Variants in KCNH5 observed in about 807,000 individuals in gnomAD.
KCNH5 encodes voltage-gated delayed rectifier potassium channel KCNH5.
A neutral mutation model predicts 96.1 loss-of-function variants in KCNH5; 46 were observed. The ratio of observed to expected loss-of-function variants is 0.48; its 90% CI spans 0.38 to 0.61. The LOEUF (loss-of-function observed/expected upper bound fraction) is 0.61. KCNH5 is among the 20% of genes least tolerant of loss of function. The pLI is 0.00. For missense variants in KCNH5, 907 were observed against 1,225.8 expected, an observed-to-expected ratio of 0.74 and a Z score of 3.88; for synonymous variants, 439 against 449.8, an observed-to-expected ratio of 0.98 and a Z score of 0.30.
chr14:62,870,041 G>A (rs547140891), intron 7 of KCNH5, among the ~76,000 whole-genome samples: 57 of 152,162 alleles, frequency 3.7e-4, no homozygotes, highest in Non-Finnish European at 7.2e-4. Context: ...TAGTTTCTAT[G>A]TCCATGGCTA....
intron 8 of KCNH5, among the ~76,000 whole-genome samples, chr14:62,843,635 C>T (rs915825376): frequency 6.6e-6 from 1 of 152,064 alleles, no homozygotes; most frequent in Admixed American, 6.5e-5. Context: ...TGGTCTCGAT[C>T]TCCTCACCTC....
intron 8 of KCNH5, among the ~76,000 whole-genome samples, chr14:62,846,130 G>A (rs1481491721): frequency 6.6e-6 from 1 of 152,038 alleles, no homozygotes; most frequent in Non-Finnish European, 1.5e-5. Context: ...ATGTTTCTAT[G>A]TCTTTTTGTT....
intron 8 of KCNH5, among the ~76,000 whole-genome samples, chr14:62,818,593 T>C (rs948754231): frequency 2.0e-5 from 3 of 152,082 alleles, no homozygotes; most frequent in Admixed American, 6.6e-5. Flanking sequence ...ATACCACTAC[T>C]CAAAACTCTT....
intron 6 of KCNH5, among the ~76,000 whole-genome samples, chr14:62,960,721 A>G (rs1231358206): frequency 6.6e-6 from 1 of 152,180 alleles, no homozygotes; most frequent in Non-Finnish European, 1.5e-5. Context: ...TCTAACCCAG[A>G]TAACAAGTTA....
chr14:63,029,598 C>T (rs988312332), intron 1 of KCNH5, among the ~76,000 whole-genome samples: 2 of 151,424 alleles, frequency 1.3e-5, no homozygotes, highest in Non-Finnish European at 2.9e-5. Flanking sequence ...GACCTGCAAA[C>T]CAAAACCTAT....
chr14:63,026,358 C>T lies in KCNH5; in HGVS notation c.74-9404G>A, dbSNP rs539051416. Among the ~76,000 whole-genome samples, 125 of 151,872 alleles carry T rather than the reference C, an allele frequency of 8.2e-4. 1 individual carries two copies. In the South Asian group the frequency reaches 0.024, roughly 30 times the overall value. On this transcript the variant is annotated intron_variant, in intron 1 of 10. Transcript: ENST00000322893. ...GCACAGGTAACTAAAGCAGAAATTA[C>T]CAAATGAAATTACATCAAACTAAAA...
intron 7 of KCNH5, among the ~76,000 whole-genome samples, chr14:62,890,792 A>C (rs1888695812): frequency 1.3e-5 from 2 of 152,180 alleles, no homozygotes; most frequent in African/African-American, 2.4e-5. Flanking sequence ...ATGCAAAAAA[A>C]CTCAGTATCA....
chr14:63,009,795 G>A (rs77481658), intron 2 of KCNH5, among the ~76,000 whole-genome samples: 2,162 of 152,252 alleles, frequency 0.014, 44 homozygotes, highest in African/African-American at 0.04. Context: ...ACATATGAAT[G>A]CTGAAATGTT....
intron 10 of KCNH5, among the ~76,000 whole-genome samples, chr14:62,741,672 T>A (rs964415274): frequency 6.6e-6 from 1 of 152,076 alleles, no homozygotes; most frequent in Non-Finnish European, 1.5e-5. Flanking sequence ...GAGGAAGAAA[T>A]TTTGGCTAGT....
intron 6 of KCNH5, among the ~76,000 whole-genome samples, chr14:62,973,332 G>T (rs1007796735): frequency 2.0e-5 from 3 of 152,154 alleles, no homozygotes; most frequent in African/African-American, 7.2e-5. Context: ...GTAGCGCTAT[G>T]GTTTGATTGG....
chr14:62,859,957 C>T (rs115371235), intron 7 of KCNH5, among the ~76,000 whole-genome samples: 3,771 of 152,310 alleles, frequency 0.025, 156 homozygotes, highest in African/African-American at 0.086. Context: ...ATTTGAGACA[C>T]TTCTTCATGT....
chr14:63,034,657 ATAAAAATATGCTTC>A (rs1891688733), intron 1 of KCNH5, among the ~76,000 whole-genome samples: 2 of 152,244 alleles, frequency 1.3e-5, no homozygotes, highest in Admixed American at 1.3e-4. Context: ...GTCATGAAAG[ATAAAAATATGCTTC>A]CACTTTCTAT....
At chr14:62,894,617 G>A (rs1312395135) in intron 7 of KCNH5, among the ~76,000 whole-genome samples, 1 of 152,204 alleles carries the variant, frequency 6.6e-6, no homozygotes, top group Non-Finnish European at 1.5e-5. Context: ...GCTGAGGTCA[G>A]TTGTCAATAA....
chr14:62,876,355 C>A (rs1192785296), intron 7 of KCNH5, among the ~76,000 whole-genome samples: 1 of 152,100 alleles, frequency 6.6e-6, no homozygotes, highest in East Asian at 1.9e-4. Context: ...AAATTTTATC[C>A]AGTGCAATAA....
At chr14:62,908,664 C>A (rs1889077306) in intron 7 of KCNH5, among the ~76,000 whole-genome samples, 2 of 152,076 alleles carry the variant, frequency 1.3e-5, no homozygotes, top group Admixed American at 1.3e-4. Flanking sequence ...CCAGCTATAG[C>A]TGGAGGAATC....
intron 10 of KCNH5, among the ~76,000 whole-genome samples, chr14:62,732,593 T>C (rs1440965987): frequency 1.3e-5 from 2 of 152,142 alleles, no homozygotes; most frequent in Non-Finnish European, 2.9e-5. Flanking sequence ...GTGCTGAATA[T>C]ATTTACCCTA....
intron 7 of KCNH5, among the ~76,000 whole-genome samples, chr14:62,895,790 T>G (rs1165699514): frequency 6.6e-6 from 1 of 152,192 alleles, no homozygotes; most frequent in Non-Finnish European, 1.5e-5. Context: ...TGGTAGAACT[T>G]AGACTCCAAA....
intron 9 of KCNH5, among the ~76,000 whole-genome samples, chr14:62,799,800 A>G (rs1197480625): frequency 7.2e-6 from 1 of 137,940 alleles, no homozygotes; most frequent in African/African-American, 2.6e-5. Flanking sequence ...AATATATTAT[A>G]TATTTAATAT....
intron 10 of KCNH5, among the ~76,000 whole-genome samples, chr14:62,758,817 T>C (rs933401608): frequency 6.6e-6 from 1 of 152,140 alleles, no homozygotes; most frequent in Non-Finnish European, 1.5e-5. Context: ...AGGAGAGTCA[T>C]GTGGAGCTGG....
Sources: allele counts gnomAD v4.1 joint callset (sites outside exome capture counted in the v4.1 genomes callset), GRCh38; gene constraint gnomAD v4.1.1; transcripts MANE v1.5; gene names NCBI Gene and HGNC (gene_info 2026-07-23, HGNC 2026-07-21).